Variants in COL15A1 observed in about 807,000 individuals in gnomAD.
COL15A1 encodes collagen type XV alpha 1 chain, also known as collagen alpha-1(XV) chain.
A neutral mutation model predicts 165.9 loss-of-function variants in COL15A1; 111 were observed. The observed-to-expected ratio is 0.67, with a 90% CI of 0.57 to 0.78. The LOEUF is 0.78. Ranked by LOEUF, COL15A1 falls within the 30% of genes least tolerant of loss-of-function variation. The probability of loss-of-function intolerance (pLI) is 0.00; values close to 1 mark genes in which losing one functional copy is unlikely to be tolerated. For missense variants in COL15A1, 1,745 were observed against 1,789.7 expected, an observed-to-expected ratio of 0.98 and a Z score of 0.45; for synonymous variants, 659 against 674.8, an observed-to-expected ratio of 0.98 and a Z score of 0.36.
Position 99,062,259 on chromosome 9 carries a change from C to T in COL15A1, c.3546C>T (p.Ile1182=). ...GWKKLQLGEL[I]PIPADSPPPP... is the part of the protein sequence containing the mutation. ...TTTTCTTAAAGCTGGGAGAACTGAT[C>T]CCCATTCCTGCCGACAGCCCTCCAC... Residue 1182 remains isoleucine (I), a synonymous_variant, in exon 38 of 42, where the codon ATC becomes ATT. Transcript: ENST00000375001. 1 of 1,613,500 alleles carries T rather than the reference C, an allele frequency of 6.2e-7. No homozygotes were observed. The highest frequency in any genetic ancestry group is 2.2e-5 in the East Asian group (1 of 44,870).
chr9:98,959,914 C>A (rs184674154), intron 2 of COL15A1, among the ~76,000 whole-genome samples: 7 of 152,344 alleles, frequency 4.6e-5, no homozygotes, highest in African/African-American at 1.7e-4. Flanking sequence ...TCACATCCCT[C>A]CCCGTACCCT....
intron 2 of COL15A1, among the ~76,000 whole-genome samples, chr9:98,980,721 T>C (rs1838225185): frequency 6.6e-6 from 1 of 152,252 alleles, no homozygotes; most frequent in Non-Finnish European, 1.5e-5. Context: ...TTAATCGTTT[T>C]CATAAAAATT....
intron 35 of COL15A1, 68 bp from the exon 36 acceptor site, chr9:99,059,821 C>T: frequency 2.5e-6 from 4 of 1,569,194 alleles, no homozygotes; most frequent in Non-Finnish European, 3.5e-6. Flanking sequence ...CTCCGGGAGT[C>T]AGCTGATACC....
chr9:99,023,490 CT>C, intron 14 of COL15A1, 41 bp downstream of exon 14: 1 of 941,102 alleles, frequency 1.1e-6, no homozygotes, highest in Non-Finnish European at 1.7e-6. Flanking sequence ...CTGGGACTGC[CT>C]TCAAAATAAC....
intron 19 of COL15A1, 91 bp from the exon 20 acceptor site, chr9:99,036,079 A>G (rs1428379559): frequency 5.5e-6 from 6 of 1,094,586 alleles, no homozygotes; most frequent in South Asian, 1.3e-5. Flanking sequence ...CAAAATAAGC[A>G]TAAAAGCTTA....
chr9:99,003,673 A>G lies in COL15A1; in HGVS notation c.1200+86A>G, dbSNP rs149356755. 6.7e-5 allele frequency: 92 copies of G among 1,366,566 alleles called. No individual in the cohort carries two copies. In the East Asian group the frequency reaches 2.1e-3, roughly 31 times the overall value. The allele number at this position is 1,366,566 out of a possible 1,614,324, so 84.7% of individuals were successfully genotyped here. A position where few individuals can be genotyped will look rare whatever the true frequency, so the allele number is the denominator to read the frequency against. ...GTGGGAGCAGTCACTGGCTTTCCCT[A>G]TGTGTCTGTGAAACACAGTGACAGT... On this transcript the variant is annotated intron_variant, in intron 8 of 41. Transcript: ENST00000375001.
At position 98,996,996 on chromosome 9, in the gene COL15A1, C is replaced by T. The variant is rs753242103; in HGVS notation, c.867C>T (p.Asp289=). ...TPPTPSSPFE[D]MELSGEPVPE... is the part of the protein sequence containing the mutation. ...CAACTCCATCCTCCCCCTTTGAAGA[C>T]ATGGAACTTTCTGGTGAACCTGTAC... Residue 289 remains aspartate, a synonymous_variant, in exon 6 of 42, where the codon GAC becomes GAT. Transcript: ENST00000375001. The T allele has an allele frequency of 8.7e-6, 14 of 1,614,086 alleles. No individual in the cohort carries two copies. The South Asian group carries it at 9.9e-5, about 11-fold the overall frequency.
At chr9:99,068,183 C>T (rs978431733) in intron 40 of COL15A1, among the ~76,000 whole-genome samples, 4 of 152,082 alleles carry the variant, frequency 2.6e-5, no homozygotes, top group Non-Finnish European at 4.4e-5. Context: ...GAGTAAAAAT[C>T]GGCCAAGTGT....
rs796298331 is a variant in COL15A1 at position 99,052,272 on chromosome 9, G to A, written c.2905-116G>A. The A allele has an allele frequency of 2.4e-5, 19 of 785,190 alleles. No homozygotes were observed. The African/African-American group carries it at 3.2e-4, about 13-fold the overall frequency. 48.6% of individuals were successfully genotyped at this position (785,190 alleles called of 1,614,324 possible). On this transcript the variant is annotated intron_variant, in intron 30 of 41. Coordinates refer to ENST00000375001, the MANE Select transcript of COL15A1 (RefSeq NM_001855.5). ...TGGGGGACTCCAGAGCCAAAGGAAGGCCTGACTCTGTGGCATTGCCTCTTT... is the reference window on the plus strand; with the variant it reads ...TGGGGGACTCCAGAGCCAAAGGAAGACCTGACTCTGTGGCATTGCCTCTTT...
At chr9:98,999,512 C>T (rs1220869084) in intron 6 of COL15A1, among the ~76,000 whole-genome samples, 2 of 149,750 alleles carry the variant, frequency 1.3e-5, no homozygotes, top group Non-Finnish European at 3.0e-5. Context: ...ACTTCTTTTT[C>T]TTCTTCTTCT....
intron 28 of COL15A1, among the ~76,000 whole-genome samples, chr9:99,049,444 C>A (rs1395940977): frequency 6.6e-6 from 1 of 152,222 alleles, no homozygotes; most frequent in African/African-American, 2.4e-5. Flanking sequence ...CCTCTCTGGG[C>A]CTCATTAGCT....
intron 16 of COL15A1, among the ~76,000 whole-genome samples, chr9:99,031,463 A>T (rs1183323644): frequency 6.6e-6 from 1 of 152,198 alleles, no homozygotes; most frequent in Non-Finnish European, 1.5e-5. Context: ...AGGTTATCAC[A>T]ACTACCAAGC....
At chr9:99,038,433 G>A (rs1232148593) in intron 21 of COL15A1, among the ~76,000 whole-genome samples, 1 of 152,232 alleles carries the variant, frequency 6.6e-6, no homozygotes, top group Non-Finnish European at 1.5e-5. Context: ...AAAAAGAGAA[G>A]ACATTCGTAT....
intron 9 of COL15A1, among the ~76,000 whole-genome samples, chr9:99,011,506 A>G (rs972854327): frequency 6.6e-6 from 1 of 151,654 alleles, no homozygotes; most frequent in African/African-American, 2.4e-5. Flanking sequence ...TCTTACCAAA[A>G]TTACCTCTTT....
chr9:98,985,570 G>A lies in COL15A1; in HGVS notation c.106G>A (p.Ala36Thr). Residue 36 changes from alanine (A) to threonine (T), a missense_variant, in exon 3 of 42, where the codon GCT becomes ACT. Transcript: ENST00000375001. ...CTCTCTCTCCCTCCCTGCAGAGACT[G>A]CTTCCCAGGGTCACCTGGACCTCAC... ...VTQTRGATET[A>T]SQGHLDLTQL... 6.2e-7 allele frequency: 1 copy of A among 1,611,106 alleles called. No homozygotes were observed.
In COL15A1 at chr9:98,985,603, A is replaced by G. The variant is rs115245175; in HGVS notation, c.139A>G (p.Ile47Val). ...SQGHLDLTQL[I>V]GVPLPSSVSF... Reference sequence around the variant, plus strand: ...GGGTCACCTGGACCTCACGCAGCTCATCGGTGTCCCGCTGCCCTCGTCCGT... The same window carrying G: ...GGGTCACCTGGACCTCACGCAGCTCGTCGGTGTCCCGCTGCCCTCGTCCGT... Residue 47 changes from isoleucine to valine, a missense_variant, in exon 3 of 42, where the codon ATC (isoleucine) becomes GTC (valine). By Grantham distance (29) the Ile-to-Val change is conservative. Transcript: ENST00000375001. The G allele has an allele frequency of 2.5e-3, 4,095 of 1,614,180 alleles. 98 individuals carry two copies. In the African/African-American group the frequency reaches 0.048, roughly 19 times the overall value.
intron 40 of COL15A1, among the ~76,000 whole-genome samples, chr9:99,067,907 C>T (rs2118017808): frequency 6.6e-6 from 1 of 152,212 alleles, no homozygotes; most frequent in South Asian, 2.1e-4. Flanking sequence ...AGGCCTGCCA[C>T]AAATTTGAAG....
intron 6 of COL15A1, among the ~76,000 whole-genome samples, chr9:98,999,684 A>G (rs972481675): frequency 6.8e-6 from 1 of 147,444 alleles, no homozygotes; most frequent in Non-Finnish European, 1.5e-5. Context: ...ATGCCTGGCT[A>G]TTTTTTTTTA....
chr9:98,992,386 C>T (rs1246236217), intron 5 of COL15A1, among the ~76,000 whole-genome samples: 1 of 152,254 alleles, frequency 6.6e-6, no homozygotes, highest in Non-Finnish European at 1.5e-5. Flanking sequence ...GTGGCACCGG[C>T]TGGCCGCTTA....
Sources: gnomAD v4.1 joint callset for allele counts (sites outside exome capture counted in the v4.1 genomes callset) on GRCh38, gnomAD v4.1.1 for gene constraint, MANE v1.5 for transcripts, NCBI Gene and HGNC (gene_info 2026-07-23, HGNC 2026-07-21) for gene names.